The following SLC4A1AP variants were observed in gnomAD, a reference collection of about 807,000 sequenced individuals.
SLC4A1AP encodes the protein kanadaptin.
In SLC4A1AP, 64 loss-of-function variants were observed where a neutral mutation model predicts 89.7. The observed-to-expected ratio is 0.71, with a 90% CI of 0.58 to 0.88. The LOEUF is 0.88. Ranked by LOEUF, SLC4A1AP falls within the 40% of genes least tolerant of loss-of-function variation. SLC4A1AP has a pLI of 0.00. For missense variants in SLC4A1AP, 931 were observed against 965.0 expected (o/e 0.96, Z 0.47); for synonymous variants, 366 against 353.3 (o/e 1.04, Z -0.40).
intron 10 of SLC4A1AP, 143 bp downstream of exon 10, chr2:27,685,420 T>G: frequency 9.1e-7 from 1 of 1,104,882 alleles, no homozygotes; most frequent in Non-Finnish European, 1.2e-6. Flanking sequence ...AAACATACTT[T>G]CTTGGTCTTC....
chr2:27,683,249 G>A (rs1300409077), intron 9 of SLC4A1AP, among the ~76,000 whole-genome samples: 4 of 152,214 alleles, frequency 2.6e-5, no homozygotes, highest in Non-Finnish European at 4.4e-5. Context: ...ATGTCTGTCT[G>A]TATGTTTTTG....
At chr2:27,676,650 C>A (rs1412988640) in intron 6 of SLC4A1AP, among the ~76,000 whole-genome samples, 1 of 150,830 alleles carries the variant, frequency 6.6e-6, no homozygotes, top group Non-Finnish European at 1.5e-5. Context: ...GGTGAAACCC[C>A]ACCTCTACTA....
exon 10 of SLC4A1AP, chr2:27,685,238 C>T (rs1221276823): frequency 6.2e-7 from 1 of 1,613,426 alleles, no homozygotes; most frequent in Non-Finnish European, 8.5e-7. Flanking sequence ...AATGAGGCCT[C>T]CCACAGATCT....
At chr2:27,677,678 C>A in intron 7 of SLC4A1AP, 60 bp from the exon 8 acceptor site, 1 of 1,410,258 alleles carries the variant, frequency 7.1e-7, no homozygotes, top group Non-Finnish European at 9.6e-7. Flanking sequence ...GAAACTTTGG[C>A]TGAATTTTAA....
chr2:27,664,415 C>G (rs1281291997), exon 1 of SLC4A1AP: 2 of 1,614,178 alleles, frequency 1.2e-6, no homozygotes, highest in Non-Finnish European at 1.7e-6. Context: ...CCGGCCCTGA[C>G]GGAGAATGCG....
At chr2:27,673,744 G>C (rs1333817554) in intron 5 of SLC4A1AP, among the ~76,000 whole-genome samples, 2 of 151,898 alleles carry the variant, frequency 1.3e-5, no homozygotes, top group Non-Finnish European at 2.9e-5. Flanking sequence ...TTAGATATGT[G>C]TGTTTAATGT....
At chr2:27,670,491 C>T (rs761782659) in intron 5 of SLC4A1AP, among the ~76,000 whole-genome samples, 1 of 151,910 alleles carries the variant, frequency 6.6e-6, no homozygotes, top group Non-Finnish European at 1.5e-5. Flanking sequence ...TGTTCCTTGC[C>T]CTACCCATCC....
exon 10 of SLC4A1AP, chr2:27,685,233 G>C: frequency 6.2e-7 from 1 of 1,613,776 alleles, no homozygotes; most frequent in Non-Finnish European, 8.5e-7. Context: ...CAGGAAATGA[G>C]GCCTCCCACA....
intron 12 of SLC4A1AP, 101 bp from the exon 13 acceptor site, chr2:27,693,584 C>G: frequency 1.3e-6 from 1 of 796,840 alleles, no homozygotes; most frequent in African/African-American, 1.8e-5. Flanking sequence ...AATGTTTATT[C>G]TGCTTAAGGA....
intron 13 of SLC4A1AP, among the ~76,000 whole-genome samples, chr2:27,694,285 A>G (rs892451751): frequency 4.6e-5 from 7 of 152,180 alleles, no homozygotes; most frequent in African/African-American, 1.7e-4. Flanking sequence ...AAGATATTAT[A>G]AATTGCATTC....
intron 5 of SLC4A1AP, 125 bp downstream of exon 5, chr2:27,669,512 A>G: frequency 1.2e-6 from 1 of 856,092 alleles, no homozygotes; most frequent in Non-Finnish European, 1.8e-6. Context: ...GAAAAGAGAA[A>G]AATTCTCAAT....
At chr2:27,694,566 TG>T in intron 13 of SLC4A1AP, 67 bp from the exon 14 acceptor site, 1 of 1,197,296 alleles carries the variant, frequency 8.4e-7, no homozygotes, top group Non-Finnish European at 1.2e-6. Flanking sequence ...TACTGATATC[TG>T]GATATCTTTT....
At chr2:27,679,040 AT>A (rs1262011337) in intron 8 of SLC4A1AP, among the ~76,000 whole-genome samples, 1 of 152,054 alleles carries the variant, frequency 6.6e-6, no homozygotes, top group Non-Finnish European at 1.5e-5. Context: ...TTATATATGA[AT>A]TTGATGAAGA....
intron 9 of SLC4A1AP, among the ~76,000 whole-genome samples, chr2:27,683,017 A>G (rs907023205): frequency 6.6e-6 from 1 of 152,224 alleles, no homozygotes; most frequent in Non-Finnish European, 1.5e-5. Flanking sequence ...AGACTCACCA[A>G]CATTTAAGAA....
chr2:27,671,743 A>G (rs1675430096), intron 5 of SLC4A1AP, among the ~76,000 whole-genome samples: 1 of 152,246 alleles, frequency 6.6e-6, no homozygotes, highest in South Asian at 2.1e-4. Context: ...TTAGCAGATT[A>G]AAAAGCTGGT....
At chr2:27,664,494 C>T in exon 1 of SLC4A1AP, 5 of 1,614,190 alleles carry the variant, frequency 3.1e-6, no homozygotes, top group Non-Finnish European at 4.2e-6. Context: ...CAACAAAACT[C>T]GCATCCCACC....
chr2:27,690,348 C>T (rs61296697), intron 12 of SLC4A1AP, among the ~76,000 whole-genome samples: 3,951 of 152,268 alleles, frequency 0.026, 162 homozygotes, highest in African/African-American at 0.091. Flanking sequence ...TCATACCACT[C>T]TGTATGCCTT....
chr2:27,668,954 GT>G, intron 4 of SLC4A1AP, 51 bp downstream of exon 4: 1 of 1,527,610 alleles, frequency 6.5e-7, no homozygotes. Flanking sequence ...CCAATTTCAG[GT>G]TTAATGTATG....
chr2:27,668,846 A>C (rs758095820), exon 4 of SLC4A1AP: 3 of 1,613,876 alleles, frequency 1.9e-6, no homozygotes, highest in Admixed American at 3.3e-5. Context: ...CCCACAGGAG[A>C]AGAATTAGAA....
Sources: gnomAD v4.1 joint callset for allele counts (sites outside exome capture counted in the v4.1 genomes callset) on GRCh38, gnomAD v4.1.1 for gene constraint, MANE v1.5 for transcripts, NCBI Gene and HGNC (gene_info 2026-07-23, HGNC 2026-07-21) for gene names.